CDH12: variants seen among roughly 807,000 people sequenced by gnomAD.
CDH12 encodes cadherin 12.
In CDH12, 41 loss-of-function variants were observed where a neutral mutation model predicts 74.1. The ratio of observed to expected loss-of-function variants is 0.55; its 90% CI spans 0.43 to 0.72. The LOEUF is 0.72. CDH12 is among the 30% of genes least tolerant of loss of function. The pLI is 0.00. For missense variants in CDH12, 945 were observed against 977.2 expected (o/e 0.97, Z 0.44); for synonymous variants, 399 against 355.0 (o/e 1.12, Z -1.39).
intron 7 of CDH12, among the ~76,000 whole-genome samples, chr5:21,846,205 G>A (rs965645769): frequency 1.3e-5 from 2 of 152,156 alleles, no homozygotes; most frequent in Non-Finnish European, 1.5e-5. Flanking sequence ...AGTACACCTG[G>A]TCTGACCAAT....
At chr5:22,548,837 TCC>T (rs1362070827) in intron 1 of CDH12, among the ~76,000 whole-genome samples, 1 of 152,148 alleles carries the variant, frequency 6.6e-6, no homozygotes, top group African/African-American at 2.4e-5. Flanking sequence ...CGCATTGCCA[TCC>T]CTCCATTCTT....
chr5:21,932,498 A>G lies in CDH12; in HGVS notation c.526+42593T>C, dbSNP rs146179753. Among the ~76,000 whole-genome samples the G allele has an allele frequency of 2.4e-3, 372 of 152,364 alleles. 1 individual carries two copies. The highest frequency in any genetic ancestry group is 8.7e-3 in the African/African-American group (360 of 41,600). ...CTCTGCAGAGGAACTCTGACACAGC[A>G]AAGTTTGAAACATCCAGAATTTTGT... On this transcript the variant is annotated intron_variant, in intron 6 of 14. Coordinates refer to ENST00000382254, the MANE Select transcript of CDH12 (RefSeq NM_004061.5).
chr5:22,347,434 G>GC (rs1275073416), intron 3 of CDH12, among the ~76,000 whole-genome samples: 1 of 152,164 alleles, frequency 6.6e-6, no homozygotes, highest in Non-Finnish European at 1.5e-5. Context: ...ACCTACACCA[G>GC]CGGTTTGTCA....
At chr5:22,663,461 A>C (rs1740450788) in intron 1 of CDH12, among the ~76,000 whole-genome samples, 1 of 152,188 alleles carries the variant, frequency 6.6e-6, no homozygotes, top group Non-Finnish European at 1.5e-5. Context: ...GTTTACTTTC[A>C]TATTGCTGAA....
intron 1 of CDH12, among the ~76,000 whole-genome samples, chr5:22,662,019 T>C (rs1740374008): frequency 1.3e-5 from 2 of 152,294 alleles, no homozygotes; most frequent in South Asian, 4.1e-4. Context: ...TGATCCTTTG[T>C]ATAGGTTTTG....
chr5:22,198,307 T>G (rs1561212135), intron 4 of CDH12, among the ~76,000 whole-genome samples: 2 of 151,732 alleles, frequency 1.3e-5, no homozygotes, highest in Admixed American at 6.6e-5. Context: ...TTGCATTTTA[T>G]GTAATAACTA....
At chr5:22,189,854 C>CG (rs915665190) in intron 4 of CDH12, among the ~76,000 whole-genome samples, 2 of 151,978 alleles carry the variant, frequency 1.3e-5, no homozygotes, top group South Asian at 2.1e-4. Flanking sequence ...ACATCTTCCC[C>CG]CCGCCTATCC....
At chr5:22,759,529 A>C (rs1746100168) in intron 1 of CDH12, among the ~76,000 whole-genome samples, 1 of 152,136 alleles carries the variant, frequency 6.6e-6, no homozygotes, top group Non-Finnish European at 1.5e-5. Flanking sequence ...CCTGAATACC[A>C]TCTCCTCTCT....
chr5:22,794,546 C>G (rs1208637665), intron 1 of CDH12, among the ~76,000 whole-genome samples: 1 of 152,058 alleles, frequency 6.6e-6, no homozygotes, highest in Non-Finnish European at 1.5e-5. Flanking sequence ...ATGAGACCAG[C>G]AAGGCCAGTC....
intron 3 of CDH12, among the ~76,000 whole-genome samples, chr5:22,299,475 T>C (rs1326953750): frequency 6.6e-6 from 1 of 152,174 alleles, no homozygotes; most frequent in African/African-American, 2.4e-5. Flanking sequence ...AGTTAGTAAA[T>C]TATTATTTAA....
chr5:22,255,851 A>G (rs1476287579), intron 3 of CDH12, among the ~76,000 whole-genome samples: 1 of 152,062 alleles, frequency 6.6e-6, no homozygotes, highest in Admixed American at 6.6e-5. Flanking sequence ...AACTGTTAGA[A>G]TGGTTAAATG....
chr5:22,167,922 T>A (rs994333919), intron 4 of CDH12, among the ~76,000 whole-genome samples: 2 of 152,080 alleles, frequency 1.3e-5, no homozygotes, highest in African/African-American at 2.4e-5. Context: ...TTCCTCAAAC[T>A]CTGGTCAAAA....
intron 2 of CDH12, among the ~76,000 whole-genome samples, chr5:22,428,397 T>G (rs1431858460): frequency 6.6e-6 from 1 of 152,088 alleles, no homozygotes; most frequent in African/African-American, 2.4e-5. Flanking sequence ...GATAAATGGT[T>G]TATTGCAGTG....
intron 2 of CDH12, among the ~76,000 whole-genome samples, chr5:22,411,207 C>T (rs932302846): frequency 6.6e-6 from 1 of 151,752 alleles, no homozygotes; most frequent in African/African-American, 2.4e-5. Flanking sequence ...AAATTAAAAA[C>T]ATATGAAATG....
chr5:22,672,744 A>T (rs1740970358), intron 1 of CDH12, among the ~76,000 whole-genome samples: 1 of 152,222 alleles, frequency 6.6e-6, no homozygotes, highest in African/African-American at 2.4e-5. Flanking sequence ...AGCCAGATGC[A>T]TGAGAATGGA....
intron 6 of CDH12, among the ~76,000 whole-genome samples, chr5:21,917,248 G>T (rs1418273571): frequency 1.3e-5 from 2 of 152,132 alleles, no homozygotes; most frequent in Admixed American, 6.6e-5. Flanking sequence ...AATGGGCTCT[G>T]ACCTGGCCGC....
intron 1 of CDH12, among the ~76,000 whole-genome samples, chr5:22,781,926 T>G (rs972259576): frequency 1.3e-5 from 2 of 152,156 alleles, no homozygotes; most frequent in Non-Finnish European, 2.9e-5. Context: ...TTTGGAACTT[T>G]AAGATTTAAT....
intron 4 of CDH12, among the ~76,000 whole-genome samples, chr5:22,159,741 G>A (rs973294614): frequency 4.6e-5 from 7 of 152,054 alleles, no homozygotes; most frequent in South Asian, 4.1e-4. Context: ...TTGTTACAGC[G>A]TTATCAACTG....
chr5:21,795,868 T>C (rs1342596634), intron 10 of CDH12, among the ~76,000 whole-genome samples: 3 of 152,000 alleles, frequency 2.0e-5, no homozygotes, highest in African/African-American at 7.2e-5. Flanking sequence ...TTTGATACTT[T>C]CTTAATCGAG....
Sources: allele counts gnomAD v4.1 joint callset (sites outside exome capture counted in the v4.1 genomes callset), GRCh38; gene constraint gnomAD v4.1.1; transcripts MANE v1.5; gene names NCBI Gene and HGNC (gene_info 2026-07-23, HGNC 2026-07-21).